DGKH: variants seen among roughly 807,000 people sequenced by gnomAD.
DGKH encodes the protein diacylglycerol kinase eta, also known as DAG kinase eta.
In DGKH, 90 loss-of-function variants were observed where a neutral mutation model predicts 159.3. The observed-to-expected ratio is 0.57, with a 90% confidence interval of 0.48 to 0.67. The LOEUF (loss-of-function observed/expected upper bound fraction) is 0.67. Among genes scored for constraint, DGKH ranks in the 30% least tolerant of loss-of-function variants. The pLI is 0.00. For missense variants in DGKH, 1,181 were observed against 1,506.1 expected, an observed-to-expected ratio of 0.78 and a Z score of 3.57; for synonymous variants, 536 against 553.8, an observed-to-expected ratio of 0.97 and a Z score of 0.45.
At chr13:42,173,967 G>A in intron 11 of DGKH, 93 bp from the exon 12 acceptor site, 1 of 739,312 alleles carries the variant, frequency 1.4e-6, no homozygotes, top group Admixed American at 2.3e-5. Flanking sequence ...GTGCGTGCGT[G>A]TGTGTGTGTG....
intron 3 of DGKH, among the ~76,000 whole-genome samples, chr13:42,153,051 T>G (rs1318828820): frequency 1.5e-5 from 2 of 134,680 alleles, no homozygotes; most frequent in African/African-American, 5.2e-5. Flanking sequence ...CAGTTTTTTT[T>G]GCCTCTGGAA....
chr13:42,182,466 A>T (rs575942910), intron 13 of DGKH, among the ~76,000 whole-genome samples: 107 of 152,292 alleles, frequency 7.0e-4, no homozygotes, highest in Non-Finnish European at 1.4e-3. Flanking sequence ...TAGGTACTCA[A>T]GTCCCTCATA....
At chr13:42,186,014 T>TGGTGGTG (rs137995366) in intron 13 of DGKH, among the ~76,000 whole-genome samples, 1 of 47,442 alleles carries the variant, frequency 2.1e-5, no homozygotes, top group Non-Finnish European at 4.7e-5. Flanking sequence ...GGTGGTGGTG[T>TGGTGGTG]GTGTGTGTGT....
At chr13:42,192,850 G>A (rs1957116313) in intron 16 of DGKH, among the ~76,000 whole-genome samples, 1 of 152,042 alleles carries the variant, frequency 6.6e-6, no homozygotes, top group East Asian at 1.9e-4. Flanking sequence ...ATCTTAAAAT[G>A]TGATGCACCA....
intron 11 of DGKH, among the ~76,000 whole-genome samples, chr13:42,170,301 A>C (rs1398011479): frequency 1.3e-5 from 2 of 152,048 alleles, no homozygotes. Context: ...TAATCCCAAC[A>C]CTTTGGAAGG....
chr13:42,112,169 T>A (rs1004615577), intron 1 of DGKH, among the ~76,000 whole-genome samples: 1 of 152,216 alleles, frequency 6.6e-6, no homozygotes, highest in Non-Finnish European at 1.5e-5. Flanking sequence ...AAAAGTCGTA[T>A]ATGGTTTTTG....
intron 1 of DGKH, among the ~76,000 whole-genome samples, chr13:42,077,408 G>A (rs371636633): frequency 6.6e-6 from 1 of 152,178 alleles, no homozygotes; most frequent in East Asian, 1.9e-4. Flanking sequence ...TCAGAACCTT[G>A]GAAAGCTTCA....
chr13:42,048,413 A>AC (rs56907914), upstream of DGKH, among the ~76,000 whole-genome samples: 152,102 of 152,152 alleles, frequency 1, 76,026 homozygotes, highest in Middle Eastern at 1. The surrounding 1 kb of genome is among the most constrained non-coding windows in gnomAD (Gnocchi z 6.7). Flanking sequence ...CATCCTAGGG[A>AC]CCCAGACCGT....
At chr13:42,124,237 A>G (rs1955127912) in intron 1 of DGKH, among the ~76,000 whole-genome samples, 1 of 152,122 alleles carries the variant, frequency 6.6e-6, no homozygotes, top group Non-Finnish European at 1.5e-5. Context: ...AAATCTGAAT[A>G]TTTTTGGTAA....
chr13:42,142,611 T>C (rs569900019), intron 3 of DGKH, among the ~76,000 whole-genome samples: 15,134 of 151,664 alleles, frequency 0.1, 1,780 homozygotes, highest in African/African-American at 0.29. Context: ...AGGTCCTTCA[T>C]GTCCCTTGTA....
At position 42,154,865 on chromosome 13, in the gene DGKH, C is replaced by G. The variant is rs529444728; in HGVS notation, c.385-426C>G. Among the ~76,000 whole-genome samples, 20 of 150,614 alleles carry G rather than the reference C, an allele frequency of 1.3e-4. 2 individuals carry two copies. The South Asian group carries it at 2.3e-3, about 18-fold the overall frequency. On this transcript the variant is annotated intron_variant, in intron 3 of 29. Coordinates refer to ENST00000337343, the MANE Select transcript of DGKH (RefSeq NM_178009.5). ...ACCATCCTGGCCAACATGGTGAAAC[C>G]CTGCCTCTACTAAAAAAAAAAAAAT...
chr13:42,217,787 A>C (rs1282532407), intron 26 of DGKH, among the ~76,000 whole-genome samples: 1 of 152,124 alleles, frequency 6.6e-6, no homozygotes, highest in African/African-American at 2.4e-5. Flanking sequence ...TAATTCCGGC[A>C]CTTTGGGAGG....
At chr13:42,255,900 G>A (rs530482082) in intron 30 of DGKH, 66 of 1,547,650 alleles carry the variant, frequency 4.3e-5, no homozygotes, top group Middle Eastern at 2.2e-4. Flanking sequence ...TTGGCTGCAC[G>A]TACAGGCTTG....
At chr13:42,068,582 T>C (rs138806033) in intron 1 of DGKH, among the ~76,000 whole-genome samples, 1 of 152,214 alleles carries the variant, frequency 6.6e-6, no homozygotes, top group Non-Finnish European at 1.5e-5. Flanking sequence ...AAAATAGATA[T>C]TTTCATGCAA....
At chr13:42,070,792 A>C (rs1318112384) in intron 1 of DGKH, 2 of 1,520,914 alleles carry the variant, frequency 1.3e-6, no homozygotes, top group Non-Finnish European at 1.8e-6. Context: ...AACACTGTTT[A>C]GTTCCGTAAG....
At position 42,209,335 on chromosome 13, in the gene DGKH, G is replaced by A. The variant is rs145128494; in HGVS notation, c.2720G>A (p.Arg907His). ...KLQHHRIAQC[R>H]TVKITIFGDE... ...AAATGATTTGTTTTATTTCAGTGCC[G>A]TACAGTGAAAATCACTATATTTGGT... Residue 907 changes from arginine to histidine, a missense_variant, in exon 23 of 30, where the codon CGT becomes CAT. Transcript: ENST00000337343. The A allele has an allele frequency of 3.9e-4, 633 of 1,610,194 alleles. No homozygotes were observed. The highest frequency in any genetic ancestry group is 5.0e-4 in the Non-Finnish European group (593 of 1,178,932).
chr13:42,099,368 G>C (rs1230487056), intron 1 of DGKH, among the ~76,000 whole-genome samples: 1 of 152,152 alleles, frequency 6.6e-6, no homozygotes, highest in Non-Finnish European at 1.5e-5. Context: ...GGGCCCTGAA[G>C]GAGCCTGCAT....
chr13:42,118,480 T>G (rs1007380915), intron 1 of DGKH, among the ~76,000 whole-genome samples: 6 of 152,194 alleles, frequency 3.9e-5, no homozygotes, highest in Non-Finnish European at 8.8e-5. Context: ...CTTTGCCCTC[T>G]TAAAGGCCGC....
At chr13:42,191,831 A>C (rs1957075987) in intron 16 of DGKH, among the ~76,000 whole-genome samples, 2 of 152,184 alleles carry the variant, frequency 1.3e-5, no homozygotes, top group Non-Finnish European at 2.9e-5. Flanking sequence ...TGATAAAGTT[A>C]CTTTAAATTT....
Sources: gnomAD v4.1 joint callset for allele counts (sites outside exome capture counted in the v4.1 genomes callset) on GRCh38, gnomAD v4.1.1 for gene constraint, Gnocchi (gnomAD v3.1) non-coding constraint, MANE v1.5 for transcripts, NCBI Gene and HGNC (gene_info 2026-07-23, HGNC 2026-07-21) for gene names.